Variants in UPF3A observed in about 807,000 individuals in gnomAD.
UPF3A encodes regulator of nonsense transcripts 3A.
A neutral mutation model predicts 53.5 loss-of-function variants in UPF3A; 42 were observed. The ratio of observed to expected loss-of-function variants is 0.78; its 90% CI spans 0.61 to 1.01. The LOEUF (loss-of-function observed/expected upper bound fraction) is 1.01. Among genes scored for constraint, UPF3A ranks in the 50% least tolerant of loss-of-function variants. The pLI is 0.00. For missense variants in UPF3A, 575 were observed against 598.0 expected, an observed-to-expected ratio of 0.96 and a Z score of 0.40; for synonymous variants, 237 against 225.3, an observed-to-expected ratio of 1.05 and a Z score of -0.47.
At chr13:114,282,231 G>A in intron 2 of UPF3A, 104 bp downstream of exon 2, 5 of 954,510 alleles carry the variant, frequency 5.2e-6, no homozygotes, top group Non-Finnish European at 7.6e-6. Flanking sequence ...TCCTATATGG[G>A]AGTCGTGTGA....
chr13:114,303,389 G>T (rs542101618), intron 9 of UPF3A, among the ~76,000 whole-genome samples: 3 of 152,298 alleles, frequency 2.0e-5, no homozygotes, highest in Non-Finnish European at 1.5e-5. Flanking sequence ...GGAATGAGGC[G>T]CTGTGTGCAG....
intron 9 of UPF3A, among the ~76,000 whole-genome samples, chr13:114,303,867 C>A (rs2086811406): frequency 1.3e-5 from 2 of 152,218 alleles, no homozygotes; most frequent in Non-Finnish European, 2.9e-5. Context: ...CTGTTCCCAC[C>A]CCTCCCATTG....
rs1399951173 is a variant in UPF3A, at chr13:114,281,720, G to A, written c.81G>A (p.Ser27=). The change falls in exon 1 of 10, where the codon TCG becomes TCA. Residue 27 remains serine (S), a synonymous_variant. Transcript: ENST00000375299. ...GCCCGAGCGGGAGGGAGAAGCTGTC[G>A]GCCCTAGAAGTGCAGTTCCACCGCG... is the stretch of plus-strand genomic sequence containing the variant. ...ARGPSGREKL[S]ALEVQFHRDS... is the part of the protein sequence containing the mutation. 5 of 1,552,040 alleles carry A rather than the reference G, an allele frequency of 3.2e-6. No homozygotes were observed. Among genetic ancestry groups the A allele is most frequent in the East Asian group, 2.4e-5 (1 of 41,048 alleles).
intron 3 of UPF3A, chr13:114,283,700 A>G (rs2084362349): frequency 2.1e-6 from 2 of 945,416 alleles, no homozygotes; most frequent in Non-Finnish European, 2.5e-6. Flanking sequence ...CTGCGGAGAC[A>G]GCAGTCTTCA....
At chr13:114,292,357 C>T (rs2085381015) in intron 7 of UPF3A, among the ~76,000 whole-genome samples, 1 of 150,060 alleles carries the variant, frequency 6.7e-6, no homozygotes, top group South Asian at 2.1e-4. Flanking sequence ...CGGCTCAAGG[C>T]GTACACGTGC....
chr13:114,282,760 A>G lies in UPF3A; in HGVS notation c.315-77A>G, dbSNP rs530905269. ...TTATCTAAAGTAGTTTGTTGTGCCCAGAAAAGGAAAAAGAGGCTAAATTAA... is the reference window on the plus strand; with the variant it reads ...TTATCTAAAGTAGTTTGTTGTGCCCGGAAAAGGAAAAAGAGGCTAAATTAA... On this transcript the variant is annotated intron_variant, in intron 2 of 9. Transcript: ENST00000375299. 3.5e-4 allele frequency: 544 copies of G among 1,551,448 alleles called. 1 individual carries two copies. The highest frequency in any genetic ancestry group is 5.1e-4 in the Admixed American group (25 of 49,320).
At chr13:114,281,961 G>C (rs1300651663) in intron 1 of UPF3A, 60 bp from the exon 2 acceptor site, 9 of 1,474,596 alleles carry the variant, frequency 6.1e-6, no homozygotes, top group Admixed American at 6.0e-5. Context: ...GGTACGCGGT[G>C]CCTTTTGAGC....
chr13:114,295,148 A>G (rs1415124621), intron 7 of UPF3A, among the ~76,000 whole-genome samples: 1 of 151,942 alleles, frequency 6.6e-6, no homozygotes, highest in East Asian at 1.9e-4. Context: ...TACGGCACAC[A>G]GAACAGCTCA....
rs2086906612 is a variant in UPF3A at position 114,304,928 on chromosome 13, G to A, written c.*11G>A. 5.6e-6 allele frequency: 9 copies of A among 1,610,358 alleles called. No homozygotes were observed. The highest frequency in any genetic ancestry group is 1.1e-5 in the South Asian group (1 of 90,750). On this transcript the variant is annotated 3_prime_UTR_variant, in exon 10 of 10. Coordinates refer to ENST00000375299, the MANE Select transcript of UPF3A (RefSeq NM_023011.4). ...GAAGAGGCAGAGTGAGTCACTGCAC[G>A]CACCTGGCCTCCATGGACGAGCAAG...
intron 3 of UPF3A, 89 bp downstream of exon 3, chr13:114,283,032 T>C: frequency 9.4e-7 from 1 of 1,064,648 alleles, no homozygotes; most frequent in Non-Finnish European, 1.3e-6. Flanking sequence ...TAAATTATTA[T>C]TATTTTTTGA....
At chr13:114,295,078 C>T (rs759387822) in intron 7 of UPF3A, among the ~76,000 whole-genome samples, 10 of 149,792 alleles carry the variant, frequency 6.7e-5, no homozygotes, top group Admixed American at 2.0e-4. Flanking sequence ...CGCCACTGCA[C>T]TCCAGCCTGG....
rs945316604 is a variant in UPF3A, at chr13:114,305,322, G to A, written c.*405G>A. 3.6e-5 allele frequency: 10 copies of A among 274,592 alleles called. No homozygotes were observed. The highest frequency in any genetic ancestry group is 2.0e-4 in the East Asian group (2 of 10,000). 17.0% of individuals were successfully genotyped at this position (274,592 alleles called of 1,614,324 possible). A position where few individuals can be genotyped will look rare whatever the true frequency, so the allele number is the denominator to read the frequency against. Reference sequence around the variant, plus strand: ...TAAGCAGAGGAGCTGTCAGTCACTCGTGCTTCTCGGTGGCCTCTGAGCCAT... The same window carrying A: ...TAAGCAGAGGAGCTGTCAGTCACTCATGCTTCTCGGTGGCCTCTGAGCCAT... On this transcript the variant is annotated 3_prime_UTR_variant, in exon 10 of 10. Transcript: ENST00000375299.
intron 8 of UPF3A, among the ~76,000 whole-genome samples, chr13:114,300,700 T>G (rs1244184184): frequency 1.3e-5 from 2 of 152,114 alleles, no homozygotes; most frequent in African/African-American, 4.8e-5. Context: ...CCTCCATGCC[T>G]GGCTAATTTT....
At position 114,282,150 on chromosome 13, in the gene UPF3A, G is replaced by A. The variant is rs778206564; in HGVS notation, c.314+23G>A. ...GAGGTGAGGCCCGCCCCGAGGGGAGGAAGAGAGGGCGGAACCCAGAGCTCG... is the reference window on the plus strand; with the variant it reads ...GAGGTGAGGCCCGCCCCGAGGGGAGAAAGAGAGGGCGGAACCCAGAGCTCG... On this transcript the variant is annotated intron_variant, in intron 2 of 9. Coordinates refer to ENST00000375299, the MANE Select transcript of UPF3A (RefSeq NM_023011.4). The A allele has an allele frequency of 3.9e-6, 6 of 1,533,820 alleles. No individual in the cohort carries two copies. In the East Asian group the frequency reaches 7.4e-5, roughly 19 times the overall value.
chr13:114,282,420 T>G, intron 2 of UPF3A: 3 of 1,182,794 alleles, frequency 2.5e-6, no homozygotes, highest in African/African-American at 1.6e-5. Flanking sequence ...CCTCCCGGGC[T>G]TCCCTGCTCG....
chr13:114,302,132 C>G, intron 9 of UPF3A, 107 bp downstream of exon 9: 1 of 1,144,008 alleles, frequency 8.7e-7, no homozygotes, highest in South Asian at 3.2e-5. Flanking sequence ...GAACGCAGTG[C>G]TTTGAGCATT....
intron 9 of UPF3A, among the ~76,000 whole-genome samples, chr13:114,302,720 G>C (rs1201692217): frequency 6.6e-6 from 1 of 152,220 alleles, no homozygotes; most frequent in African/African-American, 2.4e-5. Flanking sequence ...CACAGTATGT[G>C]AGCTTTGAGA....
At chr13:114,282,681 G>C (rs2084227687) in intron 2 of UPF3A, 156 bp from the exon 3 acceptor site, 1 of 985,114 alleles carries the variant, frequency 1.0e-6, no homozygotes, top group Admixed American at 6.1e-5. Flanking sequence ...GTTTGTTTTT[G>C]CTAAAGAATA....
chr13:114,292,520 G>A (rs1303142531), intron 7 of UPF3A, among the ~76,000 whole-genome samples: 1 of 139,904 alleles, frequency 7.1e-6, no homozygotes, highest in Admixed American at 7.3e-5. Context: ...GTTTATTTTC[G>A]GTTCAAGGCG....
Sources: allele counts gnomAD v4.1 joint callset (sites outside exome capture counted in the v4.1 genomes callset), GRCh38; gene constraint gnomAD v4.1.1; transcripts MANE v1.5; gene names NCBI Gene and HGNC (gene_info 2026-07-23, HGNC 2026-07-21).